PTPRN2: variants seen among roughly 807,000 people sequenced by gnomAD.
PTPRN2 encodes the protein receptor-type tyrosine-protein phosphatase N2.
A neutral mutation model predicts 118.8 loss-of-function variants in PTPRN2; 74 were observed. The ratio of observed to expected loss-of-function variants is 0.62; its 90% CI spans 0.52 to 0.76. PTPRN2 has a LOEUF of 0.76. Ranked by LOEUF, PTPRN2 falls within the 30% of genes least tolerant of loss-of-function variation. The pLI, the probability that PTPRN2 is intolerant of heterozygous loss-of-function variation, is 0.00. For missense variants in PTPRN2, 1,481 were observed against 1,394.4 expected (o/e 1.06, Z -0.99); for synonymous variants, 641 against 608.0 (o/e 1.05, Z -0.80).
chr7:158,586,770 G>A (rs918616168), intron 1 of PTPRN2, among the ~76,000 whole-genome samples: 2 of 152,216 alleles, frequency 1.3e-5, no homozygotes, highest in Admixed American at 6.5e-5. Flanking sequence ...GGGTGCGGGG[G>A]ACGCAGGTAG....
At chr7:157,949,275 C>T (rs971877783) in intron 11 of PTPRN2, among the ~76,000 whole-genome samples, 2 of 152,172 alleles carry the variant, frequency 1.3e-5, no homozygotes, top group East Asian at 3.8e-4. Flanking sequence ...GGCAGTTGCA[C>T]AATGTTGTGA....
chr7:157,732,479 T>C lies in PTPRN2; in HGVS notation c.1789-49542A>G, dbSNP rs71544506. On this transcript the variant is annotated intron_variant, in intron 12 of 22. Coordinates refer to ENST00000389418, the MANE Select transcript of PTPRN2 (RefSeq NM_002847.5). Reference sequence around the variant, plus strand: ...CATGCGCCCAGCACAGTTACCCTTTTCCGTCCCATGCGCCCAGCACAGTTA... The same window carrying C: ...CATGCGCCCAGCACAGTTACCCTTTCCCGTCCCATGCGCCCAGCACAGTTA... Among the ~76,000 whole-genome samples, 102 of 10,382 alleles carry C rather than the reference T, an allele frequency of 9.8e-3. 2 individuals carry two copies. Among genetic ancestry groups the C allele is most frequent in the Middle Eastern group, 0.038 (1 of 26 alleles). 6.8% of individuals were successfully genotyped at this position (10,382 alleles called of 152,430 possible). A position where few individuals can be genotyped will look rare whatever the true frequency, so the allele number is the denominator to read the frequency against.
chr7:157,725,087 C>T (rs1161630228), intron 12 of PTPRN2, among the ~76,000 whole-genome samples: 2 of 152,240 alleles, frequency 1.3e-5, no homozygotes, highest in Non-Finnish European at 2.9e-5. Flanking sequence ...TTTTAAAAAA[C>T]CTGTGGGGGA....
intron 10 of PTPRN2, among the ~76,000 whole-genome samples, chr7:158,100,244 GGTGTGTGTGTGTGTGTGTGTGT>G: frequency 6.8e-6 from 1 of 147,316 alleles, no homozygotes; most frequent in East Asian, 2.0e-4. Flanking sequence ...TATTCCATGG[GGTGTGTGTGTGTGTGTGTGTGT>G]GTGTGTGTGT....
chr7:158,019,116 C>T lies in PTPRN2; in HGVS notation c.1723+62182G>A, dbSNP rs185837966. On this transcript the variant is annotated intron_variant, in intron 11 of 22. Transcript: ENST00000389418. ...AACTGTACTGGGTCTGGATCCCCCA[C>T]GGAAGCACTTGCAGCCGGACCACCG... 4.6e-5 allele frequency among the ~76,000 whole-genome samples: 7 copies of T among 152,346 alleles called. No homozygotes were observed. In the East Asian group the frequency reaches 5.8e-4, roughly 13 times the overall value.
intron 12 of PTPRN2, among the ~76,000 whole-genome samples, chr7:157,809,354 G>GA (rs1805831007): frequency 1.3e-5 from 2 of 151,934 alleles, no homozygotes; most frequent in Non-Finnish European, 1.5e-5. Flanking sequence ...AGGAGGCTGT[G>GA]ACTCTGGCCC....
intron 11 of PTPRN2, among the ~76,000 whole-genome samples, chr7:158,048,575 T>C (rs62480163): frequency 8.9e-6 from 1 of 112,428 alleles, no homozygotes; most frequent in Non-Finnish European, 2.3e-5. Flanking sequence ...ACTATCATCA[T>C]CATCACTATC....
chr7:158,425,874 C>G (rs1815704800), intron 2 of PTPRN2, among the ~76,000 whole-genome samples: 1 of 132,824 alleles, frequency 7.5e-6, no homozygotes, highest in African/African-American at 3.2e-5. Context: ...GGGTCCGAGT[C>G]CAGCCTAGCT....
chr7:158,107,826 G>A (rs1487761919), intron 10 of PTPRN2, among the ~76,000 whole-genome samples: 4 of 151,768 alleles, frequency 2.6e-5, no homozygotes, highest in Non-Finnish European at 4.4e-5. Context: ...CTTTCATGTG[G>A]ATATCTGCAT....
intron 2 of PTPRN2, among the ~76,000 whole-genome samples, chr7:158,461,494 TCA>T (rs1491101787): frequency 3.5e-5 from 3 of 86,918 alleles, no homozygotes; most frequent in Non-Finnish European, 7.3e-5. Context: ...AGACTCCGTC[TCA>T]AAAAAAAAAA....
intron 3 of PTPRN2, among the ~76,000 whole-genome samples, chr7:158,208,995 G>T (rs1024043956): frequency 1.3e-5 from 2 of 151,886 alleles, no homozygotes; most frequent in Non-Finnish European, 2.9e-5. Flanking sequence ...AAAATAATGG[G>T]TTATAAGATG....
chr7:157,758,140 G>A (rs1194920558), intron 12 of PTPRN2, among the ~76,000 whole-genome samples: 6 of 152,230 alleles, frequency 3.9e-5, no homozygotes, highest in African/African-American at 1.4e-4. Context: ...TGTGCTCCCC[G>A]TAGCTCCCGG....
At position 158,376,708 on chromosome 7, in the gene PTPRN2, G is replaced by T. The variant is rs531362142; in HGVS notation, c.164-59776C>A. Among the ~76,000 whole-genome samples, 180 of 127,480 alleles carry T rather than the reference G, an allele frequency of 1.4e-3. 1 individual carries two copies. The highest frequency in any genetic ancestry group is 5.4e-3 in the African/African-American group (168 of 31,126). 83.6% of individuals were successfully genotyped at this position (127,480 alleles called of 152,430 possible). On this transcript the variant is annotated intron_variant, in intron 2 of 22. Coordinates refer to ENST00000389418, the MANE Select transcript of PTPRN2 (RefSeq NM_002847.5). ...GCCCTGTCACACGTCCTGCACGCGG[G>T]GTCAGGGGACTCTCCCACAGCCCTG...
intron 3 of PTPRN2, among the ~76,000 whole-genome samples, chr7:158,222,494 GT>G (rs573897158): frequency 1.5e-3 from 235 of 152,296 alleles, no homozygotes; most frequent in African/African-American, 5.6e-3. Flanking sequence ...AATACTGCGT[GT>G]TCTCACTTAT....
At chr7:157,916,983 A>C in intron 11 of PTPRN2, among the ~76,000 whole-genome samples, 1 of 136,768 alleles carries the variant, frequency 7.3e-6, no homozygotes. Flanking sequence ...CCACCATGGC[A>C]GGGGCTGGCC....
chr7:158,060,555 A>C (rs1810253916), intron 11 of PTPRN2, among the ~76,000 whole-genome samples: 1 of 152,214 alleles, frequency 6.6e-6, no homozygotes, highest in Non-Finnish European at 1.5e-5. Flanking sequence ...ACCCACCCTC[A>C]TGGAGTCTGA....
At position 158,336,684 on chromosome 7, in the gene PTPRN2, G is replaced by C. The variant is rs868791599; in HGVS notation, c.164-19752C>G. 4.9e-4 allele frequency among the ~76,000 whole-genome samples: 56 copies of C among 114,628 alleles called. 1 individual carries two copies. Among genetic ancestry groups the C allele is most frequent in the Middle Eastern group, 0.012 (2 of 170 alleles). 75.2% of individuals were successfully genotyped at this position (114,628 alleles called of 152,430 possible). A position where few individuals can be genotyped will look rare whatever the true frequency, so the allele number is the denominator to read the frequency against. Reference sequence around the variant, plus strand: ...CACCCACACTCTCACCATAAGAGCTGACGCCCGCAGACGTCACTCACACCC... The same window carrying C: ...CACCCACACTCTCACCATAAGAGCTCACGCCCGCAGACGTCACTCACACCC... On this transcript the variant is annotated intron_variant, in intron 2 of 22. Coordinates refer to ENST00000389418, the MANE Select transcript of PTPRN2 (RefSeq NM_002847.5).
At chr7:158,146,360 T>C (rs111983151) in intron 6 of PTPRN2, among the ~76,000 whole-genome samples, 2,693 of 152,280 alleles carry the variant, frequency 0.018, 90 homozygotes, top group African/African-American at 0.061. Context: ...CCCACTAACC[T>C]ACCCATTGAT....
chr7:157,845,977 T>C lies in PTPRN2; in HGVS notation c.1788+52696A>G, dbSNP rs1386177242. ...GGCAGAAAACAGTTTCCTCAAATCC[T>C]TTCCTCAAACAACACAAACTACGGA... On this transcript the variant is annotated intron_variant, in intron 12 of 22. Transcript: ENST00000389418. This position sits in a 1 kb window ranked among gnomAD's most constrained non-coding sequence, Gnocchi z 4.5. Among the ~76,000 whole-genome samples the C allele has an allele frequency of 6.6e-6, 1 of 152,190 alleles. No homozygotes were observed. The highest frequency in any genetic ancestry group is 6.5e-5 in the Admixed American group (1 of 15,280).
Sources: allele counts gnomAD v4.1 joint callset (sites outside exome capture counted in the v4.1 genomes callset), GRCh38; gene constraint gnomAD v4.1.1; non-coding constraint Gnocchi (gnomAD v3.1); transcripts MANE v1.5; gene names NCBI Gene and HGNC (gene_info 2026-07-23, HGNC 2026-07-21).